Variants in GGT5 observed in about 807,000 individuals in gnomAD.
GGT5 encodes gamma-glutamyltransferase 5.
GGT5 carries 50 observed loss-of-function variants against 58.1 expected under a neutral mutation model. The ratio of observed to expected loss-of-function variants is 0.86; its 90% CI spans 0.69 to 1.09. GGT5 has a LOEUF of 1.09. Among genes scored for constraint, GGT5 ranks in the 50% least tolerant of loss-of-function variants. The pLI is 0.00. For synonymous variants in GGT5, 370 were observed against 346.1 expected (o/e 1.07, Z -0.77); for missense variants, 800 against 789.4 (o/e 1.01, Z -0.16).
At chr22:24,225,198 T>C (rs745618291) in intron 10 of GGT5, 47 bp downstream of exon 10, 1 of 1,599,362 alleles carries the variant, frequency 6.3e-7, no homozygotes. Flanking sequence ...AGTCAGACAG[T>C]ATGCTGCCCA....
At position 24,226,246 on chromosome 22, in the gene GGT5, C is replaced by T. The variant is rs1302383500; in HGVS notation, c.1059G>A (p.Leu353=). ...PKLQNASRDL[L]GETLAQLIRQ... is the part of the protein sequence containing the mutation. Reference sequence around the variant, plus strand: ...GGATGAGCTGGGCCAGGGTCTCCCCCAGCAGGTCCCGGGAGGCATTCTGGG... The same window carrying T: ...GGATGAGCTGGGCCAGGGTCTCCCCTAGCAGGTCCCGGGAGGCATTCTGGG... The change falls in exon 8 of 12, where the codon CTG becomes CTA. Residue 353 remains leucine (L), a synonymous_variant. Transcript: ENST00000327365. 6.9e-6 allele frequency: 11 copies of T among 1,604,088 alleles called. No individual in the cohort carries two copies. In the East Asian group the frequency reaches 1.8e-4, roughly 26 times the overall value.
rs192665024 is a variant in GGT5 at position 24,244,645 on chromosome 22, C to T, written c.81G>A (p.Val27=). 1 of 1,612,856 alleles carries T rather than the reference C, an allele frequency of 6.2e-7. No individual in the cohort carries two copies. ...GLALAVIVLA[V]VLSRHQAPCG... is the part of the protein sequence containing the mutation. ...ATGGGGCCTGGTGTCGAGAGAGGACCACAGCCAGCACAATGACAGCCAGCG... is the reference window on the plus strand; with the variant it reads ...ATGGGGCCTGGTGTCGAGAGAGGACTACAGCCAGCACAATGACAGCCAGCG... The change falls in exon 1 of 12, where the codon GTG becomes GTA. Residue 27 remains valine (V), a synonymous_variant. Transcript: ENST00000327365.
chr22:24,231,541 A>G lies in GGT5; in HGVS notation c.755-11T>C. The G allele has an allele frequency of 6.3e-7, 1 of 1,586,596 alleles. No individual in the cohort carries two copies. On this transcript the variant is annotated splice_polypyrimidine_tract_variant and intron_variant, in intron 5 of 11. Coordinates refer to ENST00000327365, the MANE Select transcript of GGT5 (RefSeq NM_004121.5). ...GCGTCAGCTGGCTCCCTGGGATGAG[A>G]AGGAGAGGGCTCCATGAACAGATGG...
chr22:24,244,437 GACACTCAC>G (rs1335860974), intron 1 of GGT5, 108 bp downstream of exon 1: 9 of 862,718 alleles, frequency 1.0e-5, no homozygotes, highest in Admixed American at 2.1e-5. Flanking sequence ...CACATACCCA[GACACTCAC>G]ACACACACCC....
chr22:24,243,525 C>G (rs2048380570), intron 1 of GGT5: 2 of 152,292 alleles, frequency 1.3e-5, no homozygotes, highest in Non-Finnish European at 2.9e-5. Context: ...AGAGCAGCCA[C>G]TCCTCCCTTG....
chr22:24,244,582 G>T lies in GGT5; in HGVS notation c.144C>A (p.Ala48=), dbSNP rs111490105. The part of the protein sequence containing the change: ...PQAFAHAAVA[A]DSKVCSDIGR... The stretch of plus-strand genomic sequence containing the variant: ...CAATATCCGAGCAGACCTTGGAGTC[G>T]GCGGCAACAGCAGCGTGGGCAAAGG... The change falls in exon 1 of 12, where the codon GCC becomes GCA. Residue 48 remains alanine, a synonymous_variant. Transcript: ENST00000327365. 20 of 1,612,310 alleles carry T rather than the reference G, an allele frequency of 1.2e-5. No individual in the cohort carries two copies. Among genetic ancestry groups the T allele is most frequent in the Middle Eastern group, 2.0e-4 (1 of 4,918 alleles).
chr22:24,231,214 T>A (rs1369550543), intron 6 of GGT5, among the ~76,000 whole-genome samples, 170 bp downstream of exon 6: 1 of 152,136 alleles, frequency 6.6e-6, no homozygotes, highest in Non-Finnish European at 1.5e-5. Context: ...AAACCCACCA[T>A]CCTGATTGGT....
intron 6 of GGT5, among the ~76,000 whole-genome samples, chr22:24,229,803 A>G (rs2047885270): frequency 1.3e-5 from 2 of 151,862 alleles, no homozygotes; most frequent in African/African-American, 4.8e-5. Flanking sequence ...GTGAGCTAAG[A>G]TCATGCCACT....
At chr22:24,237,943 G>A (rs1224576069) in intron 1 of GGT5, among the ~76,000 whole-genome samples, 5 of 151,968 alleles carry the variant, frequency 3.3e-5, no homozygotes, top group African/African-American at 4.8e-5. Context: ...TATTAAAAAT[G>A]GAGGCTGGGA....
At position 24,225,369 on chromosome 22, in the gene GGT5, G is replaced by A. The variant is rs376709868; in HGVS notation, c.1379C>T (p.Pro460Leu). The A allele has an allele frequency of 2.3e-5, 37 of 1,611,538 alleles. No individual in the cohort carries two copies. The highest frequency in any genetic ancestry group is 3.3e-5 in the Admixed American group (2 of 59,752). Residue 460 changes from proline (P) to leucine (L), a missense_variant, in exon 10 of 12, where the codon CCC (proline) becomes CTC (leucine). Coordinates refer to ENST00000327365, the MANE Select transcript of GGT5 (RefSeq NM_004121.5). ...RVGGAPGRCW[P>L]PVPGERSPSS... ...TGGGGAACGCTCGCCTGGAACTGGGGGCCAGCACCTTCCGGGAGCTCCACC... is the reference window on the plus strand; with the variant it reads ...TGGGGAACGCTCGCCTGGAACTGGGAGCCAGCACCTTCCGGGAGCTCCACC...
intron 4 of GGT5, 111 bp downstream of exon 4, chr22:24,232,712 A>G: frequency 1.5e-6 from 1 of 675,136 alleles, no homozygotes; most frequent in Non-Finnish European, 2.3e-6. Context: ...CAGCACCCCG[A>G]GGGTCAATCC....
chr22:24,229,163 G>A (rs776782355), intron 6 of GGT5, among the ~76,000 whole-genome samples: 1 of 151,940 alleles, frequency 6.6e-6, no homozygotes, highest in Non-Finnish European at 1.5e-5. Context: ...CAGCAATTTG[G>A]GAGGCCAAGG....
chr22:24,231,287 C>A, intron 6 of GGT5, 97 bp downstream of exon 6: 1 of 753,702 alleles, frequency 1.3e-6, no homozygotes, highest in South Asian at 1.7e-5. Context: ...GGAGGCTGAG[C>A]TGGGCCTTGG....
chr22:24,225,706 C>T (rs2047738822), intron 8 of GGT5, 54 bp from the exon 9 acceptor site: 3 of 1,049,610 alleles, frequency 2.9e-6, no homozygotes, highest in Non-Finnish European at 4.4e-6. Context: ...TCCCACCAGA[C>T]ACCACTTACC....
At position 24,226,756 on chromosome 22, in the gene GGT5, A is replaced by T. The variant is rs1569357478; in HGVS notation, c.913T>A (p.Ser305Thr). Reference protein sequence around the residue: ...ILNVLRGFNFSTESMARPEGR... With the variant: ...ILNVLRGFNFTTESMARPEGR... ...TCAGGCCTGGCCATAGACTCTGTTG[A>T]GAAGTTGAACCCTGGAGAGAGGTTG... is the stretch of plus-strand genomic sequence containing the variant. The change falls in exon 7 of 12, where the codon TCA becomes ACA. Residue 305 changes from serine to threonine, a missense_variant. By Grantham distance (58) the Ser-to-Thr change is moderately conservative. Coordinates refer to ENST00000327365, the MANE Select transcript of GGT5 (RefSeq NM_004121.5). The T allele has an allele frequency of 6.2e-7, 1 of 1,614,012 alleles. No homozygotes were observed.
intron 6 of GGT5, among the ~76,000 whole-genome samples, chr22:24,228,031 A>C (rs2047818951): frequency 7.2e-6 from 1 of 139,036 alleles, no homozygotes; most frequent in Admixed American, 7.8e-5. Context: ...CCTAGTAAAC[A>C]GAGCAAGACT....
chr22:24,231,667 G>T lies in GGT5; in HGVS notation c.755-137C>A, dbSNP rs1455807976. On this transcript the variant is annotated intron_variant, in intron 5 of 11. Coordinates refer to ENST00000327365, the MANE Select transcript of GGT5 (RefSeq NM_004121.5). ...ACACAGGATGATGGTAGGTCTGTAG[G>T]CAGTGGCCTCAGGACTGGCCCCTTG... The T allele has an allele frequency of 1.4e-5, 13 of 902,160 alleles. No homozygotes were observed. In the Admixed American group the frequency reaches 2.4e-4, roughly 16 times the overall value. 55.9% of individuals were successfully genotyped at this position (902,160 alleles called of 1,614,324 possible). A position where few individuals can be genotyped will look rare whatever the true frequency, so the allele number is the denominator to read the frequency against.
intron 6 of GGT5, among the ~76,000 whole-genome samples, chr22:24,230,050 T>C (rs1364784130): frequency 1.3e-5 from 2 of 151,504 alleles, no homozygotes; most frequent in Admixed American, 1.3e-4. Context: ...CCGGCCAACA[T>C]GGTAAAACCC....
At chr22:24,225,867 C>T (rs2047744207) in intron 8 of GGT5, among the ~76,000 whole-genome samples, 1 of 152,166 alleles carries the variant, frequency 6.6e-6, no homozygotes, top group Non-Finnish European at 1.5e-5. Flanking sequence ...TACCCATTCC[C>T]AGGTAAATCT....
Sources: allele counts gnomAD v4.1 joint callset (sites outside exome capture counted in the v4.1 genomes callset), GRCh38; gene constraint gnomAD v4.1.1; transcripts MANE v1.5; gene names NCBI Gene and HGNC (gene_info 2026-07-23, HGNC 2026-07-21).